Variants in SDK1 observed in about 807,000 individuals in gnomAD.
The protein encoded by SDK1 is sidekick cell adhesion molecule 1, also known as protein sidekick-1.
A neutral mutation model predicts 245.5 loss-of-function variants in SDK1; 157 were observed. That is an observed-to-expected ratio of 0.64 (90% CI 0.56 to 0.73). The LOEUF (loss-of-function observed/expected upper bound fraction) is 0.73. Among genes scored for constraint, SDK1 ranks in the 30% least tolerant of loss-of-function variants. SDK1 has a pLI of 0.00. For synonymous variants in SDK1, 1,647 were observed against 1,278.5 expected, an observed-to-expected ratio of 1.29 and a Z score of -6.15; for missense variants, 3,583 against 3,002.3, an observed-to-expected ratio of 1.19 and a Z score of -4.52.
At chr7:4,211,520 C>G (rs916267358) in intron 38 of SDK1, among the ~76,000 whole-genome samples, 1 of 152,110 alleles carries the variant, frequency 6.6e-6, no homozygotes, top group African/African-American at 2.4e-5. Flanking sequence ...ATGGGGGTTG[C>G]GGGCAGGTGG....
intron 5 of SDK1, among the ~76,000 whole-genome samples, chr7:3,908,078 TAACA>T (rs971613239): frequency 2.4e-4 from 36 of 152,204 alleles, no homozygotes; most frequent in African/African-American, 8.2e-4. Flanking sequence ...TTTCATTATT[TAACA>T]AACATTTATT....
chr7:3,376,961 G>C (rs1781371252), intron 1 of SDK1, among the ~76,000 whole-genome samples: 1 of 151,538 alleles, frequency 6.6e-6, no homozygotes, highest in Non-Finnish European at 1.5e-5. Flanking sequence ...TTTAAATCTT[G>C]GTTTCTTCTC....
chr7:3,661,032 G>A (rs1783338776), intron 4 of SDK1, among the ~76,000 whole-genome samples: 1 of 152,122 alleles, frequency 6.6e-6, no homozygotes, highest in Admixed American at 6.5e-5. Context: ...TGTGAAGCCT[G>A]TCCGTGTTCA....
At chr7:4,163,033 G>A (rs1584338324) in intron 32 of SDK1, among the ~76,000 whole-genome samples, 1 of 152,218 alleles carries the variant, frequency 6.6e-6, no homozygotes. Context: ...TTTCCCCAGG[G>A]CTAGAGCTTG....
At chr7:3,350,754 G>C (rs1010282697) in intron 1 of SDK1, among the ~76,000 whole-genome samples, 2 of 152,070 alleles carry the variant, frequency 1.3e-5, no homozygotes, top group African/African-American at 4.8e-5. Context: ...AAGATGCTAG[G>C]CTTTGTACTG....
intron 4 of SDK1, among the ~76,000 whole-genome samples, chr7:3,706,127 T>A (rs1315459884): frequency 6.6e-6 from 1 of 152,196 alleles, no homozygotes; most frequent in Non-Finnish European, 1.5e-5. Context: ...CACTTGAGCA[T>A]GGTTATTATA....
intron 4 of SDK1, among the ~76,000 whole-genome samples, chr7:3,762,181 T>A (rs1192861246): frequency 6.6e-6 from 1 of 152,200 alleles, no homozygotes; most frequent in East Asian, 1.9e-4. Context: ...CAACAATCCT[T>A]TCAGCTTAGA....
chr7:3,630,644 A>C (rs1480368983), intron 2 of SDK1, among the ~76,000 whole-genome samples: 1 of 152,182 alleles, frequency 6.6e-6, no homozygotes, highest in African/African-American at 2.4e-5. Context: ...TCAAGAAGAA[A>C]AAAATTTAAG....
chr7:3,303,023 T>TA (rs1200052885), intron 1 of SDK1, among the ~76,000 whole-genome samples: 2 of 152,174 alleles, frequency 1.3e-5, no homozygotes, highest in African/African-American at 4.8e-5. Context: ...TACTTTTTTT[T>TA]ATTGATGCTT....
intron 4 of SDK1, among the ~76,000 whole-genome samples, chr7:3,644,797 A>AAAAAAAAAAAAAAAC (rs1554301839): frequency 7.6e-5 from 10 of 131,556 alleles, no homozygotes; most frequent in Non-Finnish European, 1.3e-4. Context: ...AAAAAACAAA[A>AAAAAAAAAAAAAAAC]AACAACAACA....
intron 1 of SDK1, among the ~76,000 whole-genome samples, chr7:3,578,585 A>G (rs1032425071): frequency 1.3e-5 from 2 of 151,898 alleles, no homozygotes; most frequent in Non-Finnish European, 2.9e-5. Flanking sequence ...TCAACCGCAT[A>G]AGACAGACAC....
At chr7:3,772,905 A>C (rs1281887845) in intron 4 of SDK1, among the ~76,000 whole-genome samples, 1 of 152,156 alleles carries the variant, frequency 6.6e-6, no homozygotes, top group African/African-American at 2.4e-5. Flanking sequence ...AAATCTGCTG[A>C]TAATTTTATT....
intron 1 of SDK1, among the ~76,000 whole-genome samples, chr7:3,544,068 C>T (rs772019088): frequency 2.0e-5 from 3 of 152,148 alleles, no homozygotes; most frequent in Non-Finnish European, 4.4e-5. Context: ...CCTCATATAT[C>T]GTTATCCTTG....
chr7:3,456,962 C>G (rs367791257), intron 1 of SDK1, among the ~76,000 whole-genome samples: 5 of 152,270 alleles, frequency 3.3e-5, no homozygotes, highest in Admixed American at 2.6e-4. Flanking sequence ...TGTTCATCTG[C>G]TGCCGATAGG....
chr7:3,862,229 C>T (rs1780711223), intron 5 of SDK1, among the ~76,000 whole-genome samples: 1 of 152,188 alleles, frequency 6.6e-6, no homozygotes, highest in South Asian at 2.1e-4. Flanking sequence ...TGGAAAGTCC[C>T]AGAAAACACT....
rs377465204 is a variant in SDK1 at position 3,420,781 on chromosome 7, T to C, written c.298+118897T>C. On this transcript the variant is annotated intron_variant, in intron 1 of 44. Coordinates refer to ENST00000404826, the MANE Select transcript of SDK1 (RefSeq NM_152744.4). ...ATTTAATTTTAAGTTCCAGGATACA[T>C]GGGCAGGGTGTGCAGAGTCGTTACA... Among the ~76,000 whole-genome samples, 3 of 152,190 alleles carry C rather than the reference T, an allele frequency of 2.0e-5. No individual in the cohort carries two copies. In the East Asian group the frequency reaches 5.8e-4, roughly 29 times the overall value.
intron 17 of SDK1, among the ~76,000 whole-genome samples, chr7:4,031,149 A>G (rs1787788596): frequency 6.8e-6 from 1 of 147,226 alleles, no homozygotes; most frequent in South Asian, 2.1e-4. Flanking sequence ...ATATACACAT[A>G]TTTAAGTATA....
intron 27 of SDK1, among the ~76,000 whole-genome samples, chr7:4,131,025 G>C (rs146886024): frequency 7.1e-4 from 108 of 152,308 alleles, no homozygotes; most frequent in African/African-American, 2.5e-3. Flanking sequence ...GAACCCTGCA[G>C]AAGGCTTTGT....
chr7:4,103,069 C>T (rs982012116), intron 22 of SDK1, among the ~76,000 whole-genome samples: 1 of 149,792 alleles, frequency 6.7e-6, no homozygotes. Flanking sequence ...GGTGCGATCT[C>T]GGCTCACTGC....
Sources: allele counts gnomAD v4.1 joint callset (sites outside exome capture counted in the v4.1 genomes callset), GRCh38; gene constraint gnomAD v4.1.1; transcripts MANE v1.5; gene names NCBI Gene and HGNC (gene_info 2026-07-23, HGNC 2026-07-21).